PTPRG: variants seen among roughly 807,000 people sequenced by gnomAD.
PTPRG encodes the protein protein tyrosine phosphatase receptor type G.
PTPRG carries 102 observed loss-of-function variants against 165.3 expected under a neutral mutation model. The ratio of observed to expected loss-of-function variants is 0.62; its 90% CI spans 0.53 to 0.73. The LOEUF is 0.73. Ranked by LOEUF, PTPRG falls within the 30% of genes least tolerant of loss-of-function variation. The probability of loss-of-function intolerance (pLI) is 0.00; values close to 1 mark genes in which losing one functional copy is unlikely to be tolerated. For missense variants in PTPRG, 1,866 were observed against 1,861.4 expected (o/e 1.00, Z -0.05); for synonymous variants, 675 against 669.5 (o/e 1.01, Z -0.13).
intron 2 of PTPRG, among the ~76,000 whole-genome samples, chr3:61,847,747 G>GA (rs945489894): frequency 1.6e-4 from 24 of 150,346 alleles, no homozygotes; most frequent in East Asian, 3.9e-4. Context: ...AATGATCTTT[G>GA]AAAAAAAAAA....
At chr3:61,591,487 C>T (rs1484950309) in intron 1 of PTPRG, among the ~76,000 whole-genome samples, 1 of 152,168 alleles carries the variant, frequency 6.6e-6, no homozygotes, top group Non-Finnish European at 1.5e-5. Context: ...GGTTTTCTTC[C>T]CTCTGTTGTT....
chr3:62,031,960 G>A (rs1699783565), intron 4 of PTPRG, among the ~76,000 whole-genome samples: 1 of 152,108 alleles, frequency 6.6e-6, no homozygotes, highest in Non-Finnish European at 1.5e-5. Context: ...GAAACCAGTT[G>A]GTTAGATGGG....
chr3:62,147,936 G>T (rs1704183120), intron 6 of PTPRG, among the ~76,000 whole-genome samples: 1 of 152,074 alleles, frequency 6.6e-6, no homozygotes, highest in South Asian at 2.1e-4. Context: ...CAGGCGGCAG[G>T]AGTTCAAGAC....
chr3:61,691,644 C>T (rs1303556260), intron 1 of PTPRG, among the ~76,000 whole-genome samples: 2 of 152,092 alleles, frequency 1.3e-5, no homozygotes, highest in African/African-American at 4.8e-5. Flanking sequence ...TGTGTATTGT[C>T]CTGATCTCAT....
At chr3:61,663,595 A>G (rs1280244162) in intron 1 of PTPRG, among the ~76,000 whole-genome samples, 11 of 152,016 alleles carry the variant, frequency 7.2e-5, no homozygotes, top group South Asian at 4.2e-4. Flanking sequence ...AGTGCATTAC[A>G]TTTATTATGC....
Position 62,203,583 on chromosome 3 carries a change from G to A in PTPRG, c.1788G>A (p.Glu596=). The part of the protein sequence containing the change: ...SESEDGEREH[E]EDGEKDSEKK... ...GTGAGGATGGGGAGCGGGAGCACGA[G>A]GAGGATGGAGAGAAGGACTCCGAAA... The change falls in exon 12 of 30, where the codon GAG becomes GAA. Residue 596 remains glutamate, a synonymous_variant. Transcript: ENST00000474889. This position sits in a 1 kb window ranked among gnomAD's most constrained non-coding sequence, Gnocchi z 6.4. 1 of 1,552,582 alleles carries A rather than the reference G, an allele frequency of 6.4e-7. No individual in the cohort carries two copies.
chr3:61,750,067 T>A (rs2033369770), intron 2 of PTPRG: 1 of 152,222 alleles, frequency 6.6e-6, no homozygotes, highest in Non-Finnish European at 1.5e-5. Flanking sequence ...CTATCTGTTT[T>A]GTTTTGCAGT....
intron 2 of PTPRG, among the ~76,000 whole-genome samples, chr3:61,949,661 C>A (rs1016843998): frequency 6.6e-6 from 1 of 151,854 alleles, no homozygotes; most frequent in South Asian, 2.1e-4. Flanking sequence ...GTGCTGAAAC[C>A]TAAGACATTT....
chr3:61,994,871 C>G (rs1485188840), intron 3 of PTPRG, among the ~76,000 whole-genome samples: 1 of 152,106 alleles, frequency 6.6e-6, no homozygotes, highest in African/African-American at 2.4e-5. Context: ...GGTAACTACC[C>G]CTCCCCAAGG....
chr3:61,960,253 C>G (rs537758781), intron 2 of PTPRG, among the ~76,000 whole-genome samples: 10 of 151,800 alleles, frequency 6.6e-5, no homozygotes, highest in Admixed American at 6.6e-4. Context: ...CCAGTAGGAG[C>G]CCCGTAAATG....
At chr3:61,735,772 AT>A (rs1559581576) in intron 1 of PTPRG, among the ~76,000 whole-genome samples, 2 of 152,170 alleles carry the variant, frequency 1.3e-5, no homozygotes. Context: ...TGCAGAGACA[AT>A]TTACCATAGA....
At chr3:62,276,874 G>T (rs1198091445) in intron 24 of PTPRG, 98 bp from the exon 25 acceptor site, 3 of 867,504 alleles carry the variant, frequency 3.5e-6, no homozygotes, top group Non-Finnish European at 5.7e-6. Flanking sequence ...AGGGAAGCCA[G>T]GAGGATATGT....
chr3:62,154,231 A>T (rs1704451938), intron 6 of PTPRG, among the ~76,000 whole-genome samples: 1 of 152,184 alleles, frequency 6.6e-6, no homozygotes, highest in South Asian at 2.1e-4. Context: ...TAAGCCACTG[A>T]ACTGTCCAAG....
chr3:61,614,120 C>G (rs9836164), intron 1 of PTPRG, among the ~76,000 whole-genome samples: 2 of 152,114 alleles, frequency 1.3e-5, no homozygotes, highest in African/African-American at 2.4e-5. Context: ...GGCCTGCCTC[C>G]GCCTCTCACC....
chr3:61,929,096 C>A (rs949869334), intron 2 of PTPRG, among the ~76,000 whole-genome samples: 3 of 152,146 alleles, frequency 2.0e-5, no homozygotes, highest in Non-Finnish European at 4.4e-5. Context: ...TAACCAAAAC[C>A]AAATGCTTTA....
chr3:61,648,595 C>T (rs1212594598), intron 1 of PTPRG, among the ~76,000 whole-genome samples: 1 of 152,162 alleles, frequency 6.6e-6, no homozygotes, highest in Non-Finnish European at 1.5e-5. Flanking sequence ...GTGGGGTGAC[C>T]CCAGGCTGAT....
chr3:61,970,205 C>G, intron 2 of PTPRG, among the ~76,000 whole-genome samples: 1 of 151,950 alleles, frequency 6.6e-6, no homozygotes, highest in Non-Finnish European at 1.5e-5. Context: ...ACCTGGGTAG[C>G]TTTTTGGATG....
At chr3:61,876,573 A>T (rs2037745191) in intron 2 of PTPRG, among the ~76,000 whole-genome samples, 1 of 152,152 alleles carries the variant, frequency 6.6e-6, no homozygotes. Flanking sequence ...TTATTTTTTT[A>T]AAAAGTAATA....
intron 2 of PTPRG, among the ~76,000 whole-genome samples, chr3:61,896,206 T>C (rs557354533): frequency 4.7e-4 from 71 of 152,276 alleles, no homozygotes; most frequent in African/African-American, 1.6e-3. Context: ...TAACCACGCC[T>C]ACCTCCTCCC....
Sources: gnomAD v4.1 joint callset for allele counts (sites outside exome capture counted in the v4.1 genomes callset) on GRCh38, gnomAD v4.1.1 for gene constraint, Gnocchi (gnomAD v3.1) non-coding constraint, MANE v1.5 for transcripts, NCBI Gene and HGNC (gene_info 2026-07-23, HGNC 2026-07-21) for gene names.